PCDH11X: variants seen among roughly 807,000 people sequenced by gnomAD.
PCDH11X encodes the protein protocadherin 11 X-linked.
A neutral mutation model predicts 53.3 loss-of-function variants in PCDH11X; 18 were observed. The ratio of observed to expected loss-of-function variants is 0.34; its 90% confidence interval spans 0.23 to 0.50. The LOEUF (loss-of-function observed/expected upper bound fraction) is 0.50, where lower values mean the gene tolerates loss of function less well. PCDH11X is among the 20% of genes least tolerant of loss of function. The pLI, the probability that PCDH11X is intolerant of heterozygous loss-of-function variation, is 0.98. For missense variants in PCDH11X, 570 were observed against 1,032.4 expected, an observed-to-expected ratio of 0.55 and a Z score of 6.14; for synonymous variants, 279 against 393.3, an observed-to-expected ratio of 0.71 and a Z score of 3.44.
At chrX:92,532,217 A>G (rs1399935413) in intron 10 of PCDH11X, among the ~76,000 whole-genome samples, 2 of 111,433 alleles carry the variant, frequency 1.8e-5, no homozygotes, top group Non-Finnish European at 3.8e-5. Context: ...CTCTTTTAAG[A>G]CAGAGATTAT....
chrX:91,958,344 T>A (rs1477765721), intron 6 of PCDH11X, among the ~76,000 whole-genome samples: 3 of 111,530 alleles, frequency 2.7e-5, no homozygotes, highest in Non-Finnish European at 5.7e-5. Flanking sequence ...TGCAGATGGA[T>A]TTCCCACCTT....
rs1556330024 is a variant in PCDH11X, at chrX:91,903,688, T to TGC, written c.3033+24417_3033+24418dup. Among the ~76,000 whole-genome samples, 14 of 107,736 alleles carry TGC rather than the reference T, an allele frequency of 1.3e-4. 1 individual carries two copies. The South Asian group carries it at 5.3e-3, about 41-fold the overall frequency. The allele number at this position is 107,736 out of a possible 115,157, so 93.6% of individuals were successfully genotyped here. Reference sequence around the variant, plus strand: ...GTGTGTGTGTGTGTGTGTGTGTGTGTGCGTGTATAAAATATTTGAGTAGAA... The same window carrying TGC: ...GTGTGTGTGTGTGTGTGTGTGTGTGTGCGCGTGTATAAAATATTTGAGTAGAA... On this transcript the variant is annotated intron_variant, in intron 6 of 10. Coordinates refer to ENST00000682573, the MANE Select transcript of PCDH11X (RefSeq NM_032968.5).
At position 92,620,072 on chromosome X, in the gene PCDH11X, C is replaced by G. The variant is rs1330900393; in HGVS notation, c.*1132C>G. 1 of 109,613 alleles carries G rather than the reference C, an allele frequency of 9.1e-6. No homozygotes were observed. Among genetic ancestry groups the G allele is most frequent in the East Asian group, 2.9e-4 (1 of 3,478 alleles). 9.0% of individuals were successfully genotyped at this position (109,613 alleles called of 1,213,427 possible). ...TACTGAAGAAAACCACTAATAACAACAAGAATATCAGGAAGGAACTTTTCA... is the reference window on the plus strand; with the variant it reads ...TACTGAAGAAAACCACTAATAACAAGAAGAATATCAGGAAGGAACTTTTCA... On this transcript the variant is annotated 3_prime_UTR_variant, in exon 11 of 11. Coordinates refer to ENST00000682573, the MANE Select transcript of PCDH11X (RefSeq NM_032968.5).
At chrX:92,482,447 T>A (rs976739695) in intron 10 of PCDH11X, among the ~76,000 whole-genome samples, 2 of 110,766 alleles carry the variant, frequency 1.8e-5, no homozygotes, top group Admixed American at 1.9e-4. Flanking sequence ...CATAATTCTG[T>A]TCTTTTATCA....
chrX:92,312,330 G>A (rs1234501129), intron 8 of PCDH11X, among the ~76,000 whole-genome samples: 3 of 111,194 alleles, frequency 2.7e-5, no homozygotes, highest in Non-Finnish European at 5.7e-5. Context: ...TGTAAAATAA[G>A]TTCAAGGAGG....
rs1431618048 is a variant in PCDH11X at position 92,622,117 on chromosome X, G to A, written c.*3177G>A. 1.9e-4 allele frequency: 19 copies of A among 99,962 alleles called. No individual in the cohort carries two copies. Among genetic ancestry groups the A allele is most frequent in the Non-Finnish European group, 3.8e-4 (19 of 49,481 alleles). The allele number at this position is 99,962 out of a possible 1,213,427, so 8.2% of individuals were successfully genotyped here. ...TAATAAATTTAGAGAGTAATTTTGT[G>A]TATTCTTATTTACTTAACATTTTAC... On this transcript the variant is annotated 3_prime_UTR_variant, in exon 11 of 11. Transcript: ENST00000682573.
chrX:92,453,874 C>G (rs1187602283), intron 9 of PCDH11X, among the ~76,000 whole-genome samples: 1 of 110,148 alleles, frequency 9.1e-6, no homozygotes, highest in South Asian at 3.8e-4. Context: ...TACCTACTTG[C>G]TTTGTGTGCG....
At chrX:92,050,770 A>C (rs1370728141) in intron 6 of PCDH11X, among the ~76,000 whole-genome samples, 1 of 109,796 alleles carries the variant, frequency 9.1e-6, no homozygotes, top group Non-Finnish European at 1.9e-5. Context: ...ACATATTTTT[A>C]ATAAAACTAA....
chrX:92,098,044 A>T (rs1454275894), intron 6 of PCDH11X, among the ~76,000 whole-genome samples: 1 of 110,978 alleles, frequency 9.0e-6, no homozygotes, highest in African/African-American at 3.3e-5. Context: ...ACCCGTGGAT[A>T]CAAGGTGCCG....
At chrX:92,111,831 A>C (rs1450506127) in intron 6 of PCDH11X, among the ~76,000 whole-genome samples, 1 of 109,796 alleles carries the variant, frequency 9.1e-6, no homozygotes, top group African/African-American at 3.3e-5. Context: ...ATCTCGGCTC[A>C]CTGCAAACTC....
intron 8 of PCDH11X, among the ~76,000 whole-genome samples, chrX:92,289,818 G>T (rs1046888746): frequency 5.4e-5 from 6 of 110,685 alleles, no homozygotes; most frequent in Admixed American, 9.6e-5. Context: ...AATAACTAAT[G>T]CAGATCATAA....
At chrX:92,074,342 ATACGATTCAGTTTCATAT>A (rs762869209) in intron 6 of PCDH11X, among the ~76,000 whole-genome samples, 1 of 110,777 alleles carries the variant, frequency 9.0e-6, no homozygotes, top group Non-Finnish European at 1.9e-5. Context: ...AGATTAAAAG[ATACGATTCAGTTTCATAT>A]AGAAAATAAG....
rs746441753 is a variant in PCDH11X at position 91,876,566 on chromosome X, G to A, written c.541-215G>A. The A allele has an allele frequency of 4.9e-5, 23 of 472,693 alleles. No individual in the cohort carries two copies. In the East Asian group the frequency reaches 2.3e-3, roughly 47 times the overall value. The allele number at this position is 472,693 out of a possible 1,213,427, so 39.0% of individuals were successfully genotyped here. On this transcript the variant is annotated intron_variant, in intron 5 of 10. Transcript: ENST00000682573. ...AGTAAAGTAACTTGTTTGTAATCACGATATTTGTTATAGGCAGAGTTGAGA... is the reference window on the plus strand; with the variant it reads ...AGTAAAGTAACTTGTTTGTAATCACAATATTTGTTATAGGCAGAGTTGAGA...
rs757945684 is a variant in PCDH11X, at chrX:92,598,043, C to T, written c.3368-20221C>T. Among the ~76,000 whole-genome samples, 57 of 111,680 alleles carry T rather than the reference C, an allele frequency of 5.1e-4. 1 individual carries two copies. The highest frequency in any genetic ancestry group is 5.0e-3 in the Admixed American group (53 of 10,501). The stretch of plus-strand genomic sequence containing the variant: ...AAATTAAATCTAAATGGATTAAAGA[C>T]TTAAATCTAAGACCTCAAACTGTGA... On this transcript the variant is annotated intron_variant, in intron 10 of 10. Coordinates refer to ENST00000682573, the MANE Select transcript of PCDH11X (RefSeq NM_032968.5).
At chrX:92,194,097 G>A (rs2066249693) in intron 6 of PCDH11X, among the ~76,000 whole-genome samples, 1 of 111,601 alleles carries the variant, frequency 9.0e-6, no homozygotes, top group South Asian at 3.7e-4. Context: ...TTGAAAATAA[G>A]GACTAAATGA....
intron 1 of PCDH11X, among the ~76,000 whole-genome samples, chrX:91,804,717 G>A (rs5984820): frequency 0.33 from 35,868 of 109,943 alleles, 4,862 homozygotes; most frequent in African/African-American, 0.52. Flanking sequence ...TGTAATTTAA[G>A]TATGAAAGTT....
chrX:91,794,767 G>T (rs1935675771), intron 1 of PCDH11X, among the ~76,000 whole-genome samples: 1 of 106,814 alleles, frequency 9.4e-6, no homozygotes, highest in Non-Finnish European at 1.9e-5. Flanking sequence ...ACTTAGGAAG[G>T]TGATATGGTT....
intron 8 of PCDH11X, among the ~76,000 whole-genome samples, chrX:92,354,269 T>C (rs1477934559): frequency 4.8e-5 from 5 of 104,263 alleles, no homozygotes; most frequent in African/African-American, 1.8e-4. Flanking sequence ...GAGAATAAGC[T>C]ATTTCCAGTT....
At chrX:92,485,671 AT>A (rs760805855) in intron 10 of PCDH11X, among the ~76,000 whole-genome samples, 254 of 111,612 alleles carry the variant, frequency 2.3e-3, no homozygotes, top group African/African-American at 7.7e-3. Flanking sequence ...CTCGAAACTC[AT>A]TTTTTTTCTG....
Sources: allele counts gnomAD v4.1 joint callset (sites outside exome capture counted in the v4.1 genomes callset), GRCh38; gene constraint gnomAD v4.1.1; transcripts MANE v1.5; gene names NCBI Gene and HGNC (gene_info 2026-07-23, HGNC 2026-07-21).